The following EBF2 variants were observed in gnomAD, a reference collection of about 807,000 sequenced individuals.
EBF2 encodes the protein EBF transcription factor 2, also known as transcription factor COE2.
Under a neutral mutation model 72.8 loss-of-function variants are expected in EBF2, and 21 were observed. The ratio of observed to expected loss-of-function variants is 0.29; its 90% CI spans 0.20 to 0.42. The LOEUF is 0.42. EBF2 is among the 10% of genes least tolerant of loss of function. EBF2 has a pLI of 1.00. For synonymous variants in EBF2, 299 were observed against 274.2 expected (o/e 1.09, Z -0.89); for missense variants, 637 against 731.2 (o/e 0.87, Z 1.49).
intron 10 of EBF2, among the ~76,000 whole-genome samples, chr8:25,877,628 C>T (rs1802544666): frequency 6.6e-6 from 1 of 152,156 alleles, no homozygotes; most frequent in South Asian, 2.1e-4. Context: ...GTGGTGCATC[C>T]TTGGATACAG....
At chr8:25,979,360 G>A (rs914864442) in intron 6 of EBF2, among the ~76,000 whole-genome samples, 7 of 152,186 alleles carry the variant, frequency 4.6e-5, no homozygotes, top group African/African-American at 1.4e-4. Flanking sequence ...CCCTCGCCCT[G>A]CCCCCGGCCC....
intron 6 of EBF2, among the ~76,000 whole-genome samples, chr8:25,963,531 T>C (rs1258676994): frequency 7.2e-5 from 11 of 152,130 alleles, no homozygotes; most frequent in Admixed American, 7.2e-4. Flanking sequence ...CGGGGTGTGA[T>C]AGAGAACAGG....
At chr8:25,963,795 G>A (rs1032314833) in intron 6 of EBF2, among the ~76,000 whole-genome samples, 2 of 152,212 alleles carry the variant, frequency 1.3e-5, no homozygotes, top group East Asian at 1.9e-4. Flanking sequence ...AATGGAATAT[G>A]TGGATTGCTA....
intron 6 of EBF2, among the ~76,000 whole-genome samples, chr8:25,921,921 T>C (rs2117135362): frequency 6.6e-6 from 1 of 152,324 alleles, no homozygotes; most frequent in African/African-American, 2.4e-5. Context: ...GCACCTGGAA[T>C]TTCTAATCTT....
chr8:25,966,493 C>T (rs901069593), intron 6 of EBF2, among the ~76,000 whole-genome samples: 15 of 152,278 alleles, frequency 9.9e-5, no homozygotes, highest in Middle Eastern at 3.4e-3. Context: ...CAGAAAGAAA[C>T]GGAACTGTAG....
chr8:25,982,930 A>C (rs1228425310), intron 6 of EBF2, among the ~76,000 whole-genome samples: 2 of 151,398 alleles, frequency 1.3e-5, no homozygotes, highest in Non-Finnish European at 2.9e-5. Flanking sequence ...TGTTAAATTT[A>C]TAAATTTCTA....
chr8:25,918,959 T>A (rs1034888873), intron 6 of EBF2, among the ~76,000 whole-genome samples: 1 of 152,204 alleles, frequency 6.6e-6, no homozygotes, highest in Non-Finnish European at 1.5e-5. Context: ...GCATGCTGGG[T>A]GCTTATAAGC....
intron 6 of EBF2, chr8:26,032,253 G>A (rs1259368700): frequency 6.6e-6 from 1 of 152,226 alleles, no homozygotes; most frequent in East Asian, 1.9e-4. Flanking sequence ...AAGAATGCCA[G>A]AGGTTCCATT....
At position 26,044,929 on chromosome 8, in the gene EBF2, G is replaced by A. The variant is rs557307553; in HGVS notation, c.-70C>T. 2.5e-5 allele frequency: 38 copies of A among 1,526,530 alleles called. No individual in the cohort carries two copies. The African/African-American group carries it at 4.7e-4, about 19-fold the overall frequency. The allele number at this position is 1,526,530 out of a possible 1,614,324, so 94.6% of individuals were successfully genotyped here. A position where few individuals can be genotyped will look rare whatever the true frequency, so the allele number is the denominator to read the frequency against. On this transcript the variant is annotated 5_prime_UTR_variant, in exon 1 of 16. In the 5' UTR this introduces an upstream ATG that the reference lacks. Coordinates refer to ENST00000520164, the MANE Select transcript of EBF2 (RefSeq NM_022659.4). The surrounding 1 kb of genome is among the most constrained non-coding windows in gnomAD (Gnocchi z 4.1). ...CAACACAGTCCTGACTGTTCCCAAC[G>A]TTGCCAGCAAATCGTCTCCTCCAAA...
At position 25,842,587 on chromosome 8, in the gene EBF2, C is replaced by G. The variant is rs1801760489; in HGVS notation, c.*2022G>C. The stretch of plus-strand genomic sequence containing the variant: ...CCCCTTCCATCAATCAGGTTTCTCA[C>G]TGGGGGACTTTTTCTCTTATGTTTC... On this transcript the variant is annotated 3_prime_UTR_variant, in exon 16 of 16. Coordinates refer to ENST00000520164, the MANE Select transcript of EBF2 (RefSeq NM_022659.4). 6.6e-6 allele frequency: 1 copy of G among 152,210 alleles called. No homozygotes were observed. Among genetic ancestry groups the G allele is most frequent in the African/African-American group, 2.4e-5 (1 of 41,456 alleles). 9.4% of individuals were successfully genotyped at this position (152,210 alleles called of 1,614,324 possible). A position where few individuals can be genotyped will look rare whatever the true frequency, so the allele number is the denominator to read the frequency against.
chr8:25,945,604 C>A (rs1158949797), intron 6 of EBF2, among the ~76,000 whole-genome samples: 2 of 151,414 alleles, frequency 1.3e-5, no homozygotes, highest in Admixed American at 6.6e-5. Context: ...TTTCTGTAGA[C>A]CTCTTCTGCT....
chr8:26,013,381 T>A (rs1195481134), intron 6 of EBF2, among the ~76,000 whole-genome samples: 1 of 152,140 alleles, frequency 6.6e-6, no homozygotes, highest in African/African-American at 2.4e-5. Flanking sequence ...TCCCAGTGGC[T>A]CCATCATCCC....
intron 6 of EBF2, among the ~76,000 whole-genome samples, chr8:25,975,156 C>T (rs1184669750): frequency 1.3e-5 from 2 of 152,312 alleles, no homozygotes; most frequent in Admixed American, 6.5e-5. Flanking sequence ...TCAGAAGCGC[C>T]TGTTAACCCA....
At chr8:25,919,727 G>C (rs1803277656) in intron 6 of EBF2, among the ~76,000 whole-genome samples, 1 of 152,188 alleles carries the variant, frequency 6.6e-6, no homozygotes, top group African/African-American at 2.4e-5. Flanking sequence ...CCAAAGCCGG[G>C]AGCAGATGCC....
chr8:25,912,779 T>C (rs770894662), intron 6 of EBF2, among the ~76,000 whole-genome samples: 3 of 152,128 alleles, frequency 2.0e-5, no homozygotes, highest in Non-Finnish European at 2.9e-5. Context: ...GATTCTGAAA[T>C]GAGTCTGGAG....
chr8:25,956,447 T>G (rs1347106288), intron 6 of EBF2, among the ~76,000 whole-genome samples: 2 of 152,094 alleles, frequency 1.3e-5, no homozygotes, highest in Non-Finnish European at 2.9e-5. Flanking sequence ...AAGTATAAAT[T>G]TAAGGTGCAC....
chr8:25,916,530 G>T (rs931130485), intron 6 of EBF2, among the ~76,000 whole-genome samples: 1 of 151,988 alleles, frequency 6.6e-6, no homozygotes, highest in South Asian at 2.1e-4. Context: ...TATTCCAGAA[G>T]GAGCTGTCAC....
At chr8:25,983,620 C>G (rs552924879) in intron 6 of EBF2, among the ~76,000 whole-genome samples, 56 of 152,264 alleles carry the variant, frequency 3.7e-4, no homozygotes, top group African/African-American at 1.2e-3. Context: ...ACAGGAAAAG[C>G]CAGGACTCCC....
Position 25,858,424 on chromosome 8 carries a change from A to C in EBF2, c.1423T>G (p.Ser475Ala). The C allele has an allele frequency of 6.2e-7, 1 of 1,614,112 alleles. No homozygotes were observed. Among genetic ancestry groups the C allele is most frequent in the South Asian group, 1.1e-5 (1 of 91,078 alleles). The change falls in exon 14 of 16, where the codon TCC becomes GCC. Residue 475 changes from serine to alanine, a missense_variant. This residue lies in a region of EBF2 where 259 missense variants were observed against 268.1 expected (regional missense o/e 0.97). Coordinates refer to ENST00000520164, the MANE Select transcript of EBF2 (RefSeq NM_022659.4). ...CTGTAGCCATTCATACTGTTGCTGG[A>C]GGTACTGTAATTAGACTGTTGAGGC... The part of the protein sequence containing the change: ...STPQQSNYST[S>A]SNSMNGYSNV...
Sources: allele counts gnomAD v4.1 joint callset (sites outside exome capture counted in the v4.1 genomes callset), GRCh38; gene constraint gnomAD v4.1.1; regional missense constraint gnomAD v4.1.1; non-coding constraint Gnocchi (gnomAD v3.1); transcripts MANE v1.5; gene names NCBI Gene and HGNC (gene_info 2026-07-23, HGNC 2026-07-21).